Variants in PKIB observed in about 807,000 individuals in gnomAD.
The protein encoded by PKIB is cAMP-dependent protein kinase inhibitor beta, also known as PKI-beta.
PKIB carries 2 observed loss-of-function variants against 4.5 expected under a neutral mutation model. That is an observed-to-expected ratio of 0.44 (90% CI 0.18 to 1.39). The LOEUF (loss-of-function observed/expected upper bound fraction) is 1.39, where lower values mean the gene tolerates loss of function less well. Ranked by LOEUF, PKIB falls within the 40% of genes most tolerant of loss-of-function variation. PKIB has a pLI of 0.27. For synonymous variants in PKIB, 38 were observed against 36.0 expected, an observed-to-expected ratio of 1.06 and a Z score of -0.20; for missense variants, 94 against 92.6, an observed-to-expected ratio of 1.02 and a Z score of -0.06.
chr6:122,601,760 A>G (rs1774374768), intron 3 of PKIB, among the ~76,000 whole-genome samples: 1 of 152,174 alleles, frequency 6.6e-6, no homozygotes, highest in African/African-American at 2.4e-5. Context: ...TTATCAGTAT[A>G]TAGTACATAT....
intron 4 of PKIB, among the ~76,000 whole-genome samples, chr6:122,721,081 C>A (rs1283905916): frequency 1.3e-5 from 2 of 152,144 alleles, no homozygotes; most frequent in Admixed American, 6.5e-5. Context: ...ACCTGACAAG[C>A]CACATGAGTA....
At chr6:122,509,969 G>C (rs1286173051) in intron 2 of PKIB, among the ~76,000 whole-genome samples, 1 of 148,894 alleles carries the variant, frequency 6.7e-6, no homozygotes, top group Non-Finnish European at 1.5e-5. Flanking sequence ...TTTTTTTACT[G>C]TGCAAGTTGA....
At chr6:122,715,602 T>C (rs1779455308) in intron 3 of PKIB, among the ~76,000 whole-genome samples, 1 of 151,298 alleles carries the variant, frequency 6.6e-6, no homozygotes, top group Admixed American at 6.6e-5. Context: ...GTTGTATATA[T>C]ATATATGAAG....
At chr6:122,671,249 G>T (rs527340524) in intron 2 of PKIB, among the ~76,000 whole-genome samples, 4 of 150,230 alleles carry the variant, frequency 2.7e-5, no homozygotes, top group East Asian at 2.0e-4. Flanking sequence ...CCAAAATTGC[G>T]CCACTGCACT....
At chr6:122,686,758 G>A (rs779221350) in intron 3 of PKIB, among the ~76,000 whole-genome samples, 11 of 151,792 alleles carry the variant, frequency 7.2e-5, no homozygotes, top group Non-Finnish European at 1.2e-4. Flanking sequence ...CAAAGTGCTG[G>A]GATTACAGGT....
chr6:122,680,143 T>C (rs1777840210), intron 3 of PKIB, among the ~76,000 whole-genome samples: 1 of 152,192 alleles, frequency 6.6e-6, no homozygotes, highest in Non-Finnish European at 1.5e-5. Flanking sequence ...AAAGGCTGAT[T>C]AATTGGAGAA....
intron 2 of PKIB, among the ~76,000 whole-genome samples, chr6:122,486,582 G>A (rs1432058593): frequency 6.6e-6 from 1 of 151,518 alleles, no homozygotes; most frequent in East Asian, 1.9e-4. Context: ...TTGTGTGTAT[G>A]ATTTTTTTTC....
chr6:122,510,914 G>C (rs1010176714), intron 2 of PKIB, among the ~76,000 whole-genome samples: 1 of 152,092 alleles, frequency 6.6e-6, no homozygotes, highest in African/African-American at 2.4e-5. Context: ...CCAAGTCTTG[G>C]GCTCCCTCTC....
intron 3 of PKIB, among the ~76,000 whole-genome samples, chr6:122,716,113 T>A (rs1250554366): frequency 6.6e-6 from 1 of 152,172 alleles, no homozygotes; most frequent in Non-Finnish European, 1.5e-5. Flanking sequence ...TAGGATTAAA[T>A]GGGATACACA....
intron 2 of PKIB, among the ~76,000 whole-genome samples, chr6:122,651,128 GCATCCTT>G (rs2114878730): frequency 1.3e-5 from 2 of 152,202 alleles, no homozygotes; most frequent in South Asian, 4.2e-4. Flanking sequence ...CATTACCCCT[GCATCCTT>G]CAAGTCCTTG....
intron 2 of PKIB, among the ~76,000 whole-genome samples, chr6:122,582,075 A>C (rs1773720104): frequency 1.3e-5 from 2 of 152,066 alleles, no homozygotes; most frequent in Non-Finnish European, 1.5e-5. Flanking sequence ...AGTTGCTTGA[A>C]AAACATTTGC....
intron 2 of PKIB, among the ~76,000 whole-genome samples, chr6:122,642,481 A>T (rs532762342): frequency 3.4e-4 from 52 of 152,330 alleles, no homozygotes; most frequent in Admixed American, 2.0e-3. Flanking sequence ...TTGCTTTCAC[A>T]ATGGCTGGTA....
At chr6:122,573,545 A>G (rs1773436196) in intron 2 of PKIB, among the ~76,000 whole-genome samples, 1 of 145,768 alleles carries the variant, frequency 6.9e-6, no homozygotes, top group African/African-American at 2.5e-5. Context: ...AAAGAAAAAG[A>G]AAAAAAAAAG....
chr6:122,593,719 GATA>G (rs1263268425), intron 3 of PKIB, among the ~76,000 whole-genome samples: 3 of 152,264 alleles, frequency 2.0e-5, no homozygotes, highest in South Asian at 2.1e-4. Context: ...ATAGAGGAAT[GATA>G]ATATTAATTA....
At chr6:122,541,903 A>G (rs1165478029) in intron 2 of PKIB, among the ~76,000 whole-genome samples, 2 of 150,476 alleles carry the variant, frequency 1.3e-5, no homozygotes, top group Non-Finnish European at 3.0e-5. Context: ...TTTTTCTCTA[A>G]ACTTCCCTTC....
chr6:122,552,273 T>A (rs908238435), intron 2 of PKIB, among the ~76,000 whole-genome samples: 1 of 152,080 alleles, frequency 6.6e-6, no homozygotes, highest in Non-Finnish European at 1.5e-5. Context: ...GCAGGTAACT[T>A]CTCTGGGGCC....
intron 2 of PKIB, among the ~76,000 whole-genome samples, chr6:122,517,395 G>A (rs940703741): frequency 6.6e-6 from 1 of 152,104 alleles, no homozygotes; most frequent in Non-Finnish European, 1.5e-5. Context: ...ATTCCCCTAA[G>A]CACTTACTGT....
chr6:122,489,432 GA>G (rs1775876240), intron 2 of PKIB, among the ~76,000 whole-genome samples: 1 of 152,058 alleles, frequency 6.6e-6, no homozygotes, highest in South Asian at 2.1e-4. Flanking sequence ...ATTTTTAATA[GA>G]AATGGGGTTT....
intron 3 of PKIB, among the ~76,000 whole-genome samples, chr6:122,602,289 A>AG (rs1030909028): frequency 2.0e-5 from 3 of 152,190 alleles, no homozygotes; most frequent in African/African-American, 7.2e-5. Flanking sequence ...AAAACCACTT[A>AG]GGACTCATAG....
Sources: gnomAD v4.1 joint callset for allele counts (sites outside exome capture counted in the v4.1 genomes callset) on GRCh38, gnomAD v4.1.1 for gene constraint, MANE v1.5 for transcripts, NCBI Gene and HGNC (gene_info 2026-07-23, HGNC 2026-07-21) for gene names.